The following SFXN2 variants were observed in gnomAD, a reference collection of about 807,000 sequenced individuals.
SFXN2 encodes sideroflexin-2.
In SFXN2, 37 loss-of-function variants were observed where a neutral mutation model predicts 41.9. That is an observed-to-expected ratio of 0.88 (90% CI 0.68 to 1.16). The LOEUF is 1.16. SFXN2 is among the 50% of genes most tolerant of loss of function. The pLI is 0.00. For synonymous variants in SFXN2, 150 were observed against 156.7 expected (o/e 0.96, Z 0.32); for missense variants, 386 against 425.2 (o/e 0.91, Z 0.81).
Position 102,731,713 on chromosome 10 carries a change from CTG to C in SFXN2, c.594-6_594-5del, listed in dbSNP as rs781198864. On this transcript the variant is annotated splice_polypyrimidine_tract_variant and splice_region_variant and intron_variant, in intron 6 of 11. Coordinates refer to ENST00000369893, the MANE Select transcript of SFXN2 (RefSeq NM_178858.6). The stretch of plus-strand genomic sequence containing the variant: ...CTTTCCCAAGTCCATTAACTCCTGT[CTG>C]TGTTTAGGGAGCTCATAAAGGGAAT... 41 of 1,611,614 alleles carry C rather than the reference CTG, an allele frequency of 2.5e-5. No individual in the cohort carries two copies. The highest frequency in any genetic ancestry group is 3.5e-5 in the Non-Finnish European group (41 of 1,178,312).
Position 102,734,856 on chromosome 10 carries a change from T to C in SFXN2, c.822-1006T>C, listed in dbSNP as rs1305320451. Among the ~76,000 whole-genome samples the C allele has an allele frequency of 6.6e-6, 1 of 152,152 alleles. No homozygotes were observed. Among genetic ancestry groups the C allele is most frequent in the Admixed American group, 6.5e-5 (1 of 15,268 alleles). Reference sequence around the variant, plus strand: ...CAAACCCTGGTCCATGCCAGCATCGTTGGCATCCTCTGATAACTTGTTAGA... The same window carrying C: ...CAAACCCTGGTCCATGCCAGCATCGCTGGCATCCTCTGATAACTTGTTAGA... On this transcript the variant is annotated intron_variant, in intron 10 of 11. Coordinates refer to ENST00000369893, the MANE Select transcript of SFXN2 (RefSeq NM_178858.6). This position sits in a 1 kb window ranked among gnomAD's most constrained non-coding sequence, Gnocchi z 4.1.
chr10:102,735,932 T>C, intron 11 of SFXN2, 23 bp downstream of exon 11: 1 of 1,612,002 alleles, frequency 6.2e-7, no homozygotes, highest in Non-Finnish European at 8.5e-7. Flanking sequence ...CATTCCTTAC[T>C]TGGTTTAATT....
At chr10:102,725,178 G>C (rs1365777548) in intron 1 of SFXN2, among the ~76,000 whole-genome samples, 1 of 152,160 alleles carries the variant, frequency 6.6e-6, no homozygotes, top group African/African-American at 2.4e-5. Flanking sequence ...TGATACAGGA[G>C]CCCTGCTGGT....
chr10:102,728,496 C>G lies in SFXN2; in HGVS notation c.398C>G (p.Thr133Ser). Residue 133 changes from threonine (T) to serine (S), a missense_variant, in exon 4 of 12, where the codon ACC becomes AGC. Coordinates refer to ENST00000369893, the MANE Select transcript of SFXN2 (RefSeq NM_178858.6). ...NQSFNALVNYTNRNAASPTSV... is the reference protein window; with the variant it reads ...NQSFNALVNYSNRNAASPTSV... ...TCCTTCAATGCCTTAGTCAACTACA[C>G]CAACAGGAATGCGGCTTCCCCCACA... 1 of 1,613,834 alleles carries G rather than the reference C, an allele frequency of 6.2e-7. No individual in the cohort carries two copies. The highest frequency in any genetic ancestry group is 8.5e-7 in the Non-Finnish European group (1 of 1,179,872).
intron 1 of SFXN2, among the ~76,000 whole-genome samples, chr10:102,717,128 T>C (rs1012024555): frequency 3.6e-5 from 5 of 140,196 alleles, no homozygotes; most frequent in Admixed American, 7.2e-5. Flanking sequence ...CTCTCTCTTT[T>C]TTTTTTTTTT....
chr10:102,729,515 C>A, intron 5 of SFXN2, 121 bp downstream of exon 5: 5 of 1,270,790 alleles, frequency 3.9e-6, no homozygotes, highest in Non-Finnish European at 4.4e-6. Context: ...CAGAGCCCGG[C>A]TGGCCAAGTG....
At chr10:102,729,893 G>A (rs1211130354) in intron 6 of SFXN2, 85 bp downstream of exon 6, 8 of 1,452,410 alleles carry the variant, frequency 5.5e-6, no homozygotes, top group Non-Finnish European at 7.6e-6. Flanking sequence ...TGGCTTCTGG[G>A]GACTGCGGTG....
At chr10:102,733,717 G>GTCAA in intron 10 of SFXN2, 114 bp downstream of exon 10, 1 of 869,090 alleles carries the variant, frequency 1.2e-6, no homozygotes, top group Non-Finnish European at 1.9e-6. Flanking sequence ...TTTAAAAGTG[G>GTCAA]TCAAGCTCAG....
At chr10:102,724,997 G>A (rs551648857) in intron 1 of SFXN2, 1 of 152,076 alleles carries the variant, frequency 6.6e-6, no homozygotes, top group African/African-American at 2.4e-5. Context: ...GAACTGAGGG[G>A]TGAGGTTTTG....
chr10:102,735,918 T>A lies in SFXN2; in HGVS notation c.869+9T>A. 6.2e-7 allele frequency: 1 copy of A among 1,613,900 alleles called. No individual in the cohort carries two copies. Among genetic ancestry groups the A allele is most frequent in the Non-Finnish European group, 8.5e-7 (1 of 1,179,764 alleles). ...CTTTTCCCACAGAAATGGTATCTGC[T>A]GTTCATTCCTTACTTGGTTTAATTG... On this transcript the variant is annotated intron_variant, in intron 11 of 11. Transcript: ENST00000369893.
intron 1 of SFXN2, among the ~76,000 whole-genome samples, chr10:102,717,122 C>CTTT: frequency 7.7e-6 from 1 of 129,052 alleles, no homozygotes; most frequent in Non-Finnish European, 1.6e-5. Flanking sequence ...CATTCTCTCT[C>CTTT]TCTTTTTTTT....
chr10:102,735,756 G>A, intron 10 of SFXN2, 106 bp from the exon 11 acceptor site: 5 of 1,136,802 alleles, frequency 4.4e-6, no homozygotes, highest in South Asian at 3.7e-5. Context: ...TGCCAGCTGG[G>A]AAGGCAGGCC....
chr10:102,736,468 C>A (rs2064779787), intron 11 of SFXN2, among the ~76,000 whole-genome samples: 1 of 145,296 alleles, frequency 6.9e-6, no homozygotes, highest in Admixed American at 7.1e-5. Context: ...CGTCGCCAGG[C>A]TGGGGTGCAG....
Position 102,714,683 on chromosome 10 carries a change from T to A in SFXN2, c.-26+2T>A, listed in dbSNP as rs1396309112. 9.3e-6 allele frequency: 2 copies of A among 214,584 alleles called. No homozygotes were observed. The highest frequency in any genetic ancestry group is 2.3e-5 in the African/African-American group (1 of 43,886). The allele number at this position is 214,584 out of a possible 1,614,324, so 13.3% of individuals were successfully genotyped here. A position where few individuals can be genotyped will look rare whatever the true frequency, so the allele number is the denominator to read the frequency against. ...TGGTGGCATTTGTCCCGGGACCAGG[T>A]AAGGGGCCTTGGGACAATGGCGCTC... is the stretch of plus-strand genomic sequence containing the variant. On this transcript the variant is annotated splice_donor_variant, in intron 1 of 11. Coordinates refer to ENST00000369893, the MANE Select transcript of SFXN2 (RefSeq NM_178858.6). LOFTEE classifies it low-confidence loss of function (5UTR_SPLICE).
intron 1 of SFXN2, chr10:102,715,087 C>T: frequency 6.5e-6 from 1 of 152,672 alleles, no homozygotes; most frequent in Middle Eastern, 3.4e-3. Flanking sequence ...GGCCGGAGTG[C>T]GGTGGCGCGA....
chr10:102,737,164 G>GTAAATAAA (rs545614381), intron 11 of SFXN2, among the ~76,000 whole-genome samples: 1 of 151,652 alleles, frequency 6.6e-6, no homozygotes. Flanking sequence ...CAATAAATAA[G>GTAAATAAA]TAAATAAATA....
At chr10:102,728,644 C>A in intron 4 of SFXN2, 115 bp downstream of exon 4, 1 of 825,832 alleles carries the variant, frequency 1.2e-6, no homozygotes, top group South Asian at 1.4e-5. Flanking sequence ...GTGACCAAGT[C>A]ACCCTTTCCC....
chr10:102,729,172 G>C (rs916053289), intron 4 of SFXN2, 147 bp from the exon 5 acceptor site: 3 of 687,084 alleles, frequency 4.4e-6, no homozygotes, highest in Non-Finnish European at 7.4e-6. Context: ...TGTGAGTGAG[G>C]GGGAGAGGGT....
At chr10:102,728,000 A>G (rs2064632070) in intron 3 of SFXN2, among the ~76,000 whole-genome samples, 2 of 152,120 alleles carry the variant, frequency 1.3e-5, no homozygotes, top group African/African-American at 4.8e-5. Flanking sequence ...CCAGGTGCAT[A>G]AAACAGTATG....
Sources: allele counts gnomAD v4.1 joint callset (sites outside exome capture counted in the v4.1 genomes callset), GRCh38; gene constraint gnomAD v4.1.1; non-coding constraint Gnocchi (gnomAD v3.1); transcripts MANE v1.5; gene names NCBI Gene and HGNC (gene_info 2026-07-23, HGNC 2026-07-21).